CPNE8: variants seen among roughly 807,000 people sequenced by gnomAD.
CPNE8 encodes the protein copine 8, also known as copine-8.
In CPNE8, 45 loss-of-function variants were observed where a neutral mutation model predicts 81.5. The observed-to-expected ratio is 0.55, with a 90% CI of 0.44 to 0.71. The LOEUF is 0.71. CPNE8 is among the 30% of genes least tolerant of loss of function. CPNE8 has a pLI of 0.00. For missense variants in CPNE8, 594 were observed against 672.1 expected (o/e 0.88, Z 1.28); for synonymous variants, 252 against 226.3 (o/e 1.11, Z -1.02).
At chr12:38,679,220 T>A (rs1939358390) in intron 16 of CPNE8, among the ~76,000 whole-genome samples, 3 of 151,784 alleles carry the variant, frequency 2.0e-5, no homozygotes. Flanking sequence ...ATCTACCAGA[T>A]TAAAAAACAA....
chr12:38,848,491 C>G (rs549475861), intron 4 of CPNE8, 68 bp downstream of exon 4: 29 of 1,476,384 alleles, frequency 2.0e-5, no homozygotes, highest in Non-Finnish European at 2.6e-5. Context: ...CCATAGGACC[C>G]TGCCTTACAT....
intron 19 of CPNE8, among the ~76,000 whole-genome samples, chr12:38,665,738 T>A (rs1196782983): frequency 6.6e-6 from 1 of 152,174 alleles, no homozygotes; most frequent in Non-Finnish European, 1.5e-5. Flanking sequence ...CAATGGCCAA[T>A]CCACAGCATA....
rs1292164999 is a variant in CPNE8, at chr12:38,792,011, T to A, written c.408-15710A>T. On this transcript the variant is annotated intron_variant, in intron 6 of 19. Coordinates refer to ENST00000331366, the MANE Select transcript of CPNE8 (RefSeq NM_153634.3). The stretch of plus-strand genomic sequence containing the variant: ...TCAAAGAGGAGACCATAGGAGAAAT[T>A]AAAAAAAAAAAAACTTGAGACAAAT... Among the ~76,000 whole-genome samples, 25 of 139,974 alleles carry A rather than the reference T, an allele frequency of 1.8e-4. No individual in the cohort carries two copies. In the South Asian group the frequency reaches 3.7e-3, roughly 21 times the overall value. The allele number at this position is 139,974 out of a possible 152,430, so 91.8% of individuals were successfully genotyped here. A position where few individuals can be genotyped will look rare whatever the true frequency, so the allele number is the denominator to read the frequency against.
At chr12:38,829,317 A>G (rs1943248023) in intron 6 of CPNE8, 62 bp downstream of exon 6, 1 of 1,209,902 alleles carries the variant, frequency 8.3e-7, no homozygotes, top group South Asian at 1.2e-5. Flanking sequence ...CACCAATTCC[A>G]AACTGACAAA....
chr12:38,787,103 G>T (rs1034008923), intron 6 of CPNE8, among the ~76,000 whole-genome samples: 1 of 152,064 alleles, frequency 6.6e-6, no homozygotes, highest in African/African-American at 2.4e-5. Flanking sequence ...TAGACCAAAT[G>T]AACCTAATAG....
intron 14 of CPNE8, among the ~76,000 whole-genome samples, chr12:38,702,349 C>A (rs114324764): frequency 6.6e-6 from 1 of 151,894 alleles, no homozygotes; most frequent in Non-Finnish European, 1.5e-5. Context: ...GTTATATATC[C>A]GTCCCTCTGA....
intron 1 of CPNE8, among the ~76,000 whole-genome samples, chr12:38,888,298 C>A (rs1009869627): frequency 6.6e-6 from 1 of 152,152 alleles, no homozygotes; most frequent in Non-Finnish European, 1.5e-5. Flanking sequence ...AAAAGAAAAT[C>A]TTTATCTATA....
intron 10 of CPNE8, among the ~76,000 whole-genome samples, chr12:38,737,316 C>T (rs1940978924): frequency 6.6e-6 from 1 of 151,994 alleles, no homozygotes; most frequent in East Asian, 1.9e-4. Flanking sequence ...CCATCACCTA[C>T]TTTCCCACAT....
chr12:38,759,687 G>C (rs1015373601), intron 10 of CPNE8, among the ~76,000 whole-genome samples: 5 of 151,986 alleles, frequency 3.3e-5, no homozygotes, highest in African/African-American at 1.2e-4. Context: ...CTAAAGTGTA[G>C]AATAATAATC....
chr12:38,738,806 C>CTT (rs5797590), intron 10 of CPNE8, among the ~76,000 whole-genome samples: 4 of 50,048 alleles, frequency 8.0e-5, no homozygotes, highest in Admixed American at 1.7e-4. Flanking sequence ...TTTTTCTTTT[C>CTT]TTTTTTTTTT....
intron 10 of CPNE8, among the ~76,000 whole-genome samples, chr12:38,740,413 A>T (rs1941070033): frequency 6.6e-6 from 1 of 152,216 alleles, no homozygotes; most frequent in Non-Finnish European, 1.5e-5. Context: ...TGCCGTGGCC[A>T]GAACTTCCAA....
chr12:38,789,108 A>T (rs961893572), intron 6 of CPNE8, among the ~76,000 whole-genome samples: 4 of 151,938 alleles, frequency 2.6e-5, no homozygotes, highest in African/African-American at 9.7e-5. Context: ...CAATCCTAAA[A>T]TATATATGGA....
At chr12:38,782,558 G>A (rs1357711497) in intron 6 of CPNE8, among the ~76,000 whole-genome samples, 1 of 152,064 alleles carries the variant, frequency 6.6e-6, no homozygotes, top group East Asian at 1.9e-4. Flanking sequence ...AAATGACTCA[G>A]AAAGAAAGAC....
chr12:38,784,414 T>C (rs1304909235), intron 6 of CPNE8, among the ~76,000 whole-genome samples: 2 of 152,072 alleles, frequency 1.3e-5, no homozygotes, highest in Non-Finnish European at 2.9e-5. Flanking sequence ...ACTGGCCTTT[T>C]AAAAAGGAGG....
In CPNE8 at chr12:38,763,722, G is replaced by C. The variant is rs530322081; in HGVS notation, c.576-1506C>G. On this transcript the variant is annotated intron_variant, in intron 8 of 19. Coordinates refer to ENST00000331366, the MANE Select transcript of CPNE8 (RefSeq NM_153634.3). ...CATGTGAATTTATGCAGCAGTTTCT[G>C]AGCTAGAAGCATTCAAAGTGATCTT... is the stretch of plus-strand genomic sequence containing the variant. 3.9e-5 allele frequency among the ~76,000 whole-genome samples: 6 copies of C among 152,282 alleles called. No individual in the cohort carries two copies. The South Asian group carries it at 8.3e-4, about 21-fold the overall frequency.
At chr12:38,712,379 T>C (rs1240152595) in intron 13 of CPNE8, among the ~76,000 whole-genome samples, 1 of 151,982 alleles carries the variant, frequency 6.6e-6, no homozygotes, top group African/African-American at 2.4e-5. Context: ...CCAACTATTA[T>C]ATTTTTTAGT....
At chr12:38,758,142 A>T (rs1310938214) in intron 10 of CPNE8, among the ~76,000 whole-genome samples, 1 of 120,862 alleles carries the variant, frequency 8.3e-6, no homozygotes, top group African/African-American at 3.1e-5. Context: ...ATCATCTGTG[A>T]ACAAACTCTC....
chr12:38,863,061 T>C (rs888301899), intron 3 of CPNE8, among the ~76,000 whole-genome samples: 2 of 152,144 alleles, frequency 1.3e-5, no homozygotes, highest in East Asian at 1.9e-4. Context: ...AAATTGATTA[T>C]TGAAAAGACT....
chr12:38,835,027 C>G (rs1033568313), intron 5 of CPNE8, among the ~76,000 whole-genome samples: 1 of 152,118 alleles, frequency 6.6e-6, no homozygotes, highest in Non-Finnish European at 1.5e-5. Context: ...GCTGGGATTG[C>G]AGGCATGTGC....
Sources: gnomAD v4.1 joint callset for allele counts (sites outside exome capture counted in the v4.1 genomes callset) on GRCh38, gnomAD v4.1.1 for gene constraint, MANE v1.5 for transcripts, NCBI Gene and HGNC (gene_info 2026-07-23, HGNC 2026-07-21) for gene names.